The following MSI2 variants were observed in gnomAD, a reference collection of about 807,000 sequenced individuals.
MSI2 encodes the protein musashi RNA binding protein 2, also known as RNA-binding protein Musashi homolog 2.
MSI2 carries 17 observed loss-of-function variants against 45.6 expected under a neutral mutation model. That is an observed-to-expected ratio of 0.37 (90% CI 0.26 to 0.56). The LOEUF (loss-of-function observed/expected upper bound fraction) is 0.56, where lower values mean the gene tolerates loss of function less well. MSI2 is among the 20% of genes least tolerant of loss of function. MSI2 has a pLI of 0.77. For synonymous variants in MSI2, 156 were observed against 158.2 expected (o/e 0.99, Z 0.11); for missense variants, 293 against 444.2 (o/e 0.66, Z 3.06).
chr17:57,605,602 G>A (rs115189165), intron 8 of MSI2, among the ~76,000 whole-genome samples: 215 of 152,332 alleles, frequency 1.4e-3, no homozygotes, highest in African/African-American at 4.5e-3. Flanking sequence ...TCTTCCCCGC[G>A]CAGAAGGCAG....
chr17:57,371,438 G>A (rs767042095), intron 5 of MSI2, among the ~76,000 whole-genome samples: 8 of 150,978 alleles, frequency 5.3e-5, no homozygotes, highest in Non-Finnish European at 7.4e-5. Context: ...TCCCCCCAAC[G>A]CCACTATTTA....
At chr17:57,479,927 C>A (rs144170346) in intron 6 of MSI2, among the ~76,000 whole-genome samples, 64 of 152,332 alleles carry the variant, frequency 4.2e-4, no homozygotes, top group African/African-American at 1.5e-3. Context: ...AAACCCAGGT[C>A]AGAACAACTG....
At chr17:57,541,444 C>G (rs1770940535) in intron 7 of MSI2, among the ~76,000 whole-genome samples, 1 of 152,154 alleles carries the variant, frequency 6.6e-6, no homozygotes. Context: ...CCTGGCATCC[C>G]TATATACCTG....
chr17:57,314,542 A>G (rs1567751948), intron 5 of MSI2, among the ~76,000 whole-genome samples: 1 of 146,952 alleles, frequency 6.8e-6, no homozygotes, highest in East Asian at 2.0e-4. Context: ...ATATGTGACC[A>G]CCTGTTCAGT....
chr17:57,392,210 G>A (rs2083806648), intron 5 of MSI2, among the ~76,000 whole-genome samples: 1 of 152,212 alleles, frequency 6.6e-6, no homozygotes, highest in South Asian at 2.1e-4. Flanking sequence ...ATAGGAGTCA[G>A]TGCTACTGTT....
intron 6 of MSI2, among the ~76,000 whole-genome samples, chr17:57,431,404 C>A (rs2084591586): frequency 6.6e-6 from 1 of 152,216 alleles, no homozygotes. Context: ...GTGAAATGAG[C>A]TGTTTGTGTC....
At chr17:57,649,951 T>A (rs543467737) in intron 10 of MSI2, among the ~76,000 whole-genome samples, 1 of 152,264 alleles carries the variant, frequency 6.6e-6, no homozygotes, top group South Asian at 2.1e-4. Flanking sequence ...AGGGACAGAT[T>A]GGGCAGCCCT....
chr17:57,640,394 T>C (rs1315773399), intron 10 of MSI2, among the ~76,000 whole-genome samples: 2 of 152,216 alleles, frequency 1.3e-5, no homozygotes, highest in East Asian at 1.9e-4. Context: ...TGAAATGCCA[T>C]GTAAATTAAT....
intron 7 of MSI2, among the ~76,000 whole-genome samples, chr17:57,534,241 C>T (rs1445340051): frequency 1.3e-5 from 2 of 152,222 alleles, no homozygotes; most frequent in East Asian, 3.8e-4. Flanking sequence ...CTGGTTAAAG[C>T]GGAGGAGCTG....
At chr17:57,370,816 A>G (rs140012655) in intron 5 of MSI2, among the ~76,000 whole-genome samples, 37 of 152,354 alleles carry the variant, frequency 2.4e-4, no homozygotes, top group Non-Finnish European at 3.2e-4. Context: ...CAGGATGCAC[A>G]GATCCCTGGT....
At position 57,596,056 on chromosome 17, in the gene MSI2, T is replaced by G. The variant is rs558305486; in HGVS notation, c.455-812T>G. Among the ~76,000 whole-genome samples, 5 of 152,226 alleles carry G rather than the reference T, an allele frequency of 3.3e-5. No individual in the cohort carries two copies. The highest frequency in any genetic ancestry group is 3.3e-4 in the Admixed American group (5 of 15,306). On this transcript the variant is annotated intron_variant, in intron 7 of 13. Coordinates refer to ENST00000284073, the MANE Select transcript of MSI2 (RefSeq NM_138962.4). This position sits in a 1 kb window ranked among gnomAD's most constrained non-coding sequence, Gnocchi z 4.6. ...GGGTGCAACCCTGCATGGGGCCATG[T>G]GGTAAAGCAGCACTTACTGAGTGGG...
intron 11 of MSI2, among the ~76,000 whole-genome samples, chr17:57,661,359 G>A (rs555089568): frequency 6.6e-6 from 1 of 152,328 alleles, no homozygotes; most frequent in East Asian, 1.9e-4. Flanking sequence ...GGAGAATTTG[G>A]AGTGGGAAGC....
Position 57,627,738 on chromosome 17 carries a change from C to CCCT in MSI2, c.727+445_727+447dup. The CCCT allele has an allele frequency of 4.7e-6, 1 of 214,420 alleles. No homozygotes were observed. The highest frequency in any genetic ancestry group is 9.4e-6 in the Non-Finnish European group (1 of 106,566). 13.3% of individuals were successfully genotyped at this position (214,420 alleles called of 1,614,324 possible). A position where few individuals can be genotyped will look rare whatever the true frequency, so the allele number is the denominator to read the frequency against. On this transcript the variant is annotated intron_variant, in intron 10 of 13. Transcript: ENST00000284073. This position sits in a 1 kb window ranked among gnomAD's most constrained non-coding sequence, Gnocchi z 4.6. Reference sequence around the variant, plus strand: ...CCCGCCCTTGCTTCCTTTCCTCCACCCCTCCTCCTCCTGCTCCGTCCTGAC... The same window carrying CCCT: ...CCCGCCCTTGCTTCCTTTCCTCCACCCCTCCTCCTCCTCCTGCTCCGTCCTGAC...
chr17:57,440,412 C>CTGTG (rs1567824499), intron 6 of MSI2, among the ~76,000 whole-genome samples: 2 of 54,898 alleles, frequency 3.6e-5, no homozygotes, highest in East Asian at 8.1e-4. Context: ...GGTTTGTTAT[C>CTGTG]CGTGTGTGTG....
intron 5 of MSI2, among the ~76,000 whole-genome samples, chr17:57,302,319 G>A (rs750627396): frequency 2.0e-5 from 3 of 152,058 alleles, no homozygotes; most frequent in African/African-American, 4.8e-5. Context: ...TGTGTTGCCC[G>A]GGCTGGACTC....
intron 5 of MSI2, among the ~76,000 whole-genome samples, chr17:57,314,817 G>C (rs1250387463): frequency 1.3e-5 from 2 of 152,018 alleles, no homozygotes; most frequent in African/African-American, 4.8e-5. Context: ...TGATCTGCCC[G>C]CCTCGGTCTC....
At chr17:57,499,506 C>T (rs2086054140) in intron 6 of MSI2, among the ~76,000 whole-genome samples, 1 of 151,924 alleles carries the variant, frequency 6.6e-6, no homozygotes, top group Non-Finnish European at 1.5e-5. Flanking sequence ...ATAAAAGTTT[C>T]TATAGCATTT....
intron 6 of MSI2, among the ~76,000 whole-genome samples, chr17:57,408,317 A>C (rs2084122537): frequency 6.6e-6 from 1 of 152,238 alleles, no homozygotes. Context: ...GCTCGTTAAC[A>C]GTGTTTTAAA....
intron 6 of MSI2, among the ~76,000 whole-genome samples, chr17:57,524,744 G>C (rs919600220): frequency 2.0e-5 from 3 of 152,194 alleles, no homozygotes; most frequent in South Asian, 2.1e-4. Context: ...GAGAGAAGGG[G>C]AACAAAGAGA....
Sources: allele counts gnomAD v4.1 joint callset (sites outside exome capture counted in the v4.1 genomes callset), GRCh38; gene constraint gnomAD v4.1.1; non-coding constraint Gnocchi (gnomAD v3.1); transcripts MANE v1.5; gene names NCBI Gene and HGNC (gene_info 2026-07-23, HGNC 2026-07-21).